Variants in RIMS2 observed in about 807,000 individuals in gnomAD.
The protein encoded by RIMS2 is regulating synaptic membrane exocytosis protein 2.
A neutral mutation model predicts 174.4 loss-of-function variants in RIMS2; 59 were observed. That is an observed-to-expected ratio of 0.34 (90% CI 0.27 to 0.42). The LOEUF (loss-of-function observed/expected upper bound fraction) is 0.42. Ranked by LOEUF, RIMS2 falls within the 10% of genes least tolerant of loss-of-function variation. RIMS2 has a pLI of 1.00. For synonymous variants in RIMS2, 606 were observed against 572.5 expected, an observed-to-expected ratio of 1.06 and a Z score of -0.84; for missense variants, 1,620 against 1,666.3, an observed-to-expected ratio of 0.97 and a Z score of 0.48.
intron 1 of RIMS2, among the ~76,000 whole-genome samples, chr8:103,673,501 A>T (rs191131187): frequency 7.8e-4 from 119 of 152,286 alleles, no homozygotes; most frequent in Admixed American, 3.3e-3. Flanking sequence ...TCTTAATACT[A>T]TGTGGAAGCT....
exon 2 of RIMS2, chr8:103,697,262 G>A (rs377666095): frequency 1.2e-5 from 19 of 1,613,540 alleles, no homozygotes; most frequent in African/African-American, 5.3e-5. Flanking sequence ...TTCTGTGCTC[G>A]TTGTGGAGGT....
At chr8:103,889,312 C>T (rs1454450681) in intron 4 of RIMS2, among the ~76,000 whole-genome samples, 3 of 151,600 alleles carry the variant, frequency 2.0e-5, no homozygotes, top group Non-Finnish European at 4.4e-5. Flanking sequence ...ATAATCATCA[C>T]TTTGCTTTAT....
At chr8:104,038,274 A>G (rs1042837985) in intron 19 of RIMS2, among the ~76,000 whole-genome samples, 2 of 151,932 alleles carry the variant, frequency 1.3e-5, no homozygotes, top group Admixed American at 1.3e-4. Context: ...TTTATTTTGT[A>G]TGATGGAATG....
chr8:103,638,591 T>G (rs919148876), intron 1 of RIMS2, among the ~76,000 whole-genome samples: 2 of 152,100 alleles, frequency 1.3e-5, no homozygotes, highest in Non-Finnish European at 1.5e-5. Flanking sequence ...TTGGGAACTC[T>G]TTCAGGTTGA....
At chr8:103,559,020 T>C (rs1243365932) in intron 1 of RIMS2, 1 of 146,092 alleles carries the variant, frequency 6.8e-6, no homozygotes, top group Non-Finnish European at 1.5e-5. Context: ...AAATGGAGAG[T>C]AAATATGTCA....
At chr8:103,587,887 G>C (rs1245260077) in intron 1 of RIMS2, among the ~76,000 whole-genome samples, 1 of 151,968 alleles carries the variant, frequency 6.6e-6, no homozygotes, top group Non-Finnish European at 1.5e-5. Context: ...ATTCAACATG[G>C]TACTGGAAGT....
intron 19 of RIMS2, among the ~76,000 whole-genome samples, chr8:104,232,528 G>A (rs563600916): frequency 3.3e-5 from 5 of 152,288 alleles, no homozygotes; most frequent in African/African-American, 1.2e-4. Context: ...TCTCTAGGAA[G>A]GCTGGAGATT....
intron 4 of RIMS2, among the ~76,000 whole-genome samples, chr8:103,890,748 T>C (rs2099239308): frequency 6.6e-6 from 1 of 152,032 alleles, no homozygotes; most frequent in Admixed American, 6.6e-5. Flanking sequence ...GCTAATGTCA[T>C]AGTATTTCTG....
intron 2 of RIMS2, among the ~76,000 whole-genome samples, chr8:103,746,445 T>G (rs1192020928): frequency 1.3e-5 from 2 of 152,148 alleles, no homozygotes; most frequent in African/African-American, 2.4e-5. Flanking sequence ...TGTATTTATT[T>G]TATTCTATTT....
chr8:103,893,126 A>T (rs1484729610), intron 4 of RIMS2, among the ~76,000 whole-genome samples: 2 of 152,100 alleles, frequency 1.3e-5, no homozygotes, highest in African/African-American at 4.8e-5. Context: ...GAGTAGATTC[A>T]TTCATTCATT....
At chr8:104,206,929 T>C (rs1295710146) in intron 19 of RIMS2, among the ~76,000 whole-genome samples, 1 of 152,206 alleles carries the variant, frequency 6.6e-6, no homozygotes, top group Non-Finnish European at 1.5e-5. Flanking sequence ...CTGCAAGCTA[T>C]TGAAGCTGGA....
chr8:104,200,380 T>A (rs1235477365), intron 19 of RIMS2, among the ~76,000 whole-genome samples: 1 of 152,098 alleles, frequency 6.6e-6, no homozygotes. Flanking sequence ...GAAACTTATT[T>A]TAAAATATAT....
intron 19 of RIMS2, among the ~76,000 whole-genome samples, chr8:104,206,329 C>A (rs1288482930): frequency 6.6e-6 from 1 of 152,116 alleles, no homozygotes; most frequent in Non-Finnish European, 1.5e-5. Context: ...TCGTATCTCT[C>A]TGAACTTTAG....
chr8:103,728,197 A>T (rs968213344), intron 2 of RIMS2, among the ~76,000 whole-genome samples: 3 of 151,848 alleles, frequency 2.0e-5, no homozygotes, highest in African/African-American at 4.8e-5. Flanking sequence ...ATTTGTGTTT[A>T]TTGTAAATGG....
At chr8:103,807,970 T>C (rs1176707263) in intron 3 of RIMS2, among the ~76,000 whole-genome samples, 1 of 152,088 alleles carries the variant, frequency 6.6e-6, no homozygotes. Flanking sequence ...CTGTTTTGGC[T>C]GAAAAAAGAC....
intron 1 of RIMS2, among the ~76,000 whole-genome samples, chr8:103,691,472 C>T (rs1311358518): frequency 1.3e-5 from 2 of 152,158 alleles, no homozygotes; most frequent in African/African-American, 4.8e-5. Context: ...TGAAGAGACT[C>T]ATGCATTCTT....
intron 19 of RIMS2, among the ~76,000 whole-genome samples, chr8:104,162,259 G>C (rs946420993): frequency 1.3e-5 from 2 of 152,128 alleles, no homozygotes; most frequent in Admixed American, 6.6e-5. Flanking sequence ...TATGCATCCT[G>C]TATGCTTCCT....
intron 2 of RIMS2, among the ~76,000 whole-genome samples, chr8:103,747,494 AG>A (rs2097837447): frequency 6.6e-6 from 1 of 152,004 alleles, no homozygotes; most frequent in Non-Finnish European, 1.5e-5. Context: ...TTACTTTGAT[AG>A]TTTTGTTGAG....
At chr8:104,223,531 G>C (rs2099166462) in intron 19 of RIMS2, 4 of 1,419,562 alleles carry the variant, frequency 2.8e-6, no homozygotes, top group Admixed American at 2.9e-5. Flanking sequence ...CAGAGCCTCA[G>C]GGTCCCGTGG....
Sources: gnomAD v4.1 joint callset for allele counts (sites outside exome capture counted in the v4.1 genomes callset) on GRCh38, gnomAD v4.1.1 for gene constraint, MANE v1.5 for transcripts, NCBI Gene and HGNC (gene_info 2026-07-23, HGNC 2026-07-21) for gene names.